Variants in PDE10A observed in about 807,000 individuals in gnomAD.
The protein encoded by PDE10A is cAMP and cAMP-inhibited cGMP 3',5'-cyclic phosphodiesterase 10A.
In PDE10A, 39 loss-of-function variants were observed where a neutral mutation model predicts 97.7. The ratio of observed to expected loss-of-function variants is 0.40; its 90% CI spans 0.31 to 0.52. PDE10A has a LOEUF of 0.52. Among genes scored for constraint, PDE10A ranks in the 20% least tolerant of loss-of-function variants. PDE10A has a pLI of 0.56. For synonymous variants in PDE10A, 371 were observed against 376.8 expected (o/e 0.98, Z 0.18); for missense variants, 731 against 1,047.8 (o/e 0.70, Z 4.17).
upstream of PDE10A, among the ~76,000 whole-genome samples, chr6:165,665,528 A>G (rs1790476654): frequency 6.6e-6 from 1 of 152,212 alleles, no homozygotes; most frequent in African/African-American, 2.4e-5. Flanking sequence ...ACTGCAATAT[A>G]GTTACATGAC....
rs145110839 is a variant in PDE10A, at chr6:165,343,439, G to T, written c.2847C>A (p.Pro949=). The change falls in exon 19 of 22, where the codon CCC becomes CCA. Residue 949 remains proline (P), a synonymous_variant. Coordinates refer to ENST00000539869, the MANE Select transcript of PDE10A (RefSeq NM_001385079.1). Reference sequence around the variant, plus strand: ...TATCATTTGCCGTCAATTTTGTAACGGGCCACAGTTTTGTCACAGAACAAA... The same window carrying T: ...TATCATTTGCCGTCAATTTTGTAACTGGCCACAGTTTTGTCACAGAACAAA... ...CDLCSVTKLW[P]VTKLTANDIY... is the part of the protein sequence containing the mutation. The T allele has an allele frequency of 5.0e-6, 8 of 1,613,766 alleles. No individual in the cohort carries two copies. The highest frequency in any genetic ancestry group is 6.8e-6 in the Non-Finnish European group (8 of 1,179,936).
At chr6:165,698,679 A>T (rs1326194022) in intron 1 of PDE10A, among the ~76,000 whole-genome samples, 2 of 152,028 alleles carry the variant, frequency 1.3e-5, no homozygotes, top group Non-Finnish European at 2.9e-5. Flanking sequence ...TTGAAACCCC[A>T]TCTCTACTAA....
intron 5 of PDE10A, among the ~76,000 whole-genome samples, chr6:165,437,285 CAT>C (rs1017686791): frequency 1.3e-5 from 2 of 152,018 alleles, no homozygotes; most frequent in African/African-American, 2.4e-5. Context: ...AATTTAATCA[CAT>C]GTTTAAGTTA....
chr6:165,887,614 C>T (rs902828740), intron 1 of PDE10A, among the ~76,000 whole-genome samples: 1 of 152,174 alleles, frequency 6.6e-6, no homozygotes, highest in African/African-American at 2.4e-5. Flanking sequence ...TGACTAAGAC[C>T]AATATGCTTA....
At chr6:165,758,510 A>AAAGAAGAAGAAGAAG (rs200476731) in intron 1 of PDE10A, among the ~76,000 whole-genome samples, 2 of 41,570 alleles carry the variant, frequency 4.8e-5, no homozygotes, top group African/African-American at 9.9e-5. Context: ...AAGAAAGAAG[A>AAAGAAGAAGAAGAAG]AAGAAGAAGA....
intron 1 of PDE10A, among the ~76,000 whole-genome samples, chr6:165,658,821 A>G (rs1790092678): frequency 6.6e-6 from 1 of 152,210 alleles, no homozygotes; most frequent in African/African-American, 2.4e-5. Context: ...CTAGAGGCAG[A>G]TGGCAGGAGA....
chr6:165,759,395 A>G (rs1345576387), intron 1 of PDE10A, among the ~76,000 whole-genome samples: 1 of 152,188 alleles, frequency 6.6e-6, no homozygotes, highest in Non-Finnish European at 1.5e-5. Context: ...AGGTGGAACC[A>G]GTCCAGGCGA....
intron 1 of PDE10A, among the ~76,000 whole-genome samples, chr6:165,730,749 C>CGAAA (rs1792412441): frequency 2.7e-5 from 1 of 37,320 alleles, no homozygotes; most frequent in Admixed American, 2.2e-4. Flanking sequence ...TGAGATTCCA[C>CGAAA]CAAAAAAAAA....
intron 17 of PDE10A, among the ~76,000 whole-genome samples, chr6:165,387,624 C>T (rs370586365): frequency 6.6e-5 from 10 of 152,190 alleles, no homozygotes; most frequent in South Asian, 2.1e-4. Flanking sequence ...GAAGACCTAA[C>T]GAGGATTTCT....
chr6:165,379,399 A>G (rs749685358), intron 17 of PDE10A, 33 bp from the exon 18 acceptor site: 9 of 1,531,038 alleles, frequency 5.9e-6, no homozygotes, highest in Non-Finnish European at 8.1e-6. Flanking sequence ...AACCACCAAT[A>G]ACAAGCACAA....
In PDE10A at chr6:165,329,320, A is replaced by G. The variant is rs1416859720; in HGVS notation, c.*3705T>C. On this transcript the variant is annotated 3_prime_UTR_variant, in exon 22 of 22. Transcript: ENST00000539869. ...TCAAATAAAGAACAGAAATCTGATG[A>G]GGAGAGAATGGTCCTATTCATTCAA... The G allele has an allele frequency of 6.6e-6, 1 of 152,226 alleles. No homozygotes were observed. Among genetic ancestry groups the G allele is most frequent in the Non-Finnish European group, 1.5e-5 (1 of 68,042 alleles). 9.4% of individuals were successfully genotyped at this position (152,226 alleles called of 1,614,324 possible).
At chr6:165,959,206 GAGGCCATTCCTAAAAAA>G (rs1784285094) in intron 1 of PDE10A, among the ~76,000 whole-genome samples, 2 of 152,202 alleles carry the variant, frequency 1.3e-5, no homozygotes, top group South Asian at 4.1e-4. Context: ...AAGCCAAGGT[GAGGCCATTCCTAAAAAA>G]TGTTCAGCTC....
At chr6:165,555,254 CTGT>C (rs1784196354) in intron 1 of PDE10A, among the ~76,000 whole-genome samples, 1 of 152,094 alleles carries the variant, frequency 6.6e-6, no homozygotes, top group African/African-American at 2.4e-5. Context: ...CATTGCATGC[CTGT>C]ATCAAAATCT....
At chr6:165,479,019 AC>A (rs1242372580) in intron 3 of PDE10A, among the ~76,000 whole-genome samples, 1 of 152,080 alleles carries the variant, frequency 6.6e-6, no homozygotes, top group Non-Finnish European at 1.5e-5. Flanking sequence ...AATGTATAAA[AC>A]CAAGCTGTAG....
intron 1 of PDE10A, among the ~76,000 whole-genome samples, chr6:165,758,112 T>C (rs1793159816): frequency 6.6e-6 from 1 of 152,250 alleles, no homozygotes; most frequent in Non-Finnish European, 1.5e-5. Flanking sequence ...TTATCTTAAC[T>C]TTTTCATGAG....
At chr6:165,656,718 C>G (rs903712370) in intron 1 of PDE10A, among the ~76,000 whole-genome samples, 2 of 152,190 alleles carry the variant, frequency 1.3e-5, no homozygotes, top group Admixed American at 1.3e-4. Context: ...AAGGTCCTTC[C>G]CAGGCTTCTC....
chr6:165,635,592 C>T (rs1446592372), intron 1 of PDE10A, among the ~76,000 whole-genome samples: 1 of 152,094 alleles, frequency 6.6e-6, no homozygotes, highest in Non-Finnish European at 1.5e-5. Context: ...TTAACTTATT[C>T]CAAAGAGATT....
intron 1 of PDE10A, among the ~76,000 whole-genome samples, chr6:165,895,789 G>T (rs1170550207): frequency 6.6e-6 from 1 of 152,006 alleles, no homozygotes; most frequent in South Asian, 2.1e-4. Flanking sequence ...TGAGGGCCTC[G>T]GCATCCTCAG....
chr6:165,953,162 C>A (rs1018921241), intron 1 of PDE10A, among the ~76,000 whole-genome samples: 1 of 152,186 alleles, frequency 6.6e-6, no homozygotes, highest in African/African-American at 2.4e-5. Flanking sequence ...CTTGCAGAGG[C>A]ACTTTCCAAC....
Sources: gnomAD v4.1 joint callset for allele counts (sites outside exome capture counted in the v4.1 genomes callset) on GRCh38, gnomAD v4.1.1 for gene constraint, MANE v1.5 for transcripts, NCBI Gene and HGNC (gene_info 2026-07-23, HGNC 2026-07-21) for gene names.